Variants in TNIK observed in about 807,000 individuals in gnomAD.
TNIK encodes TRAF2 and NCK interacting kinase, also known as TRAF2 and NCK-interacting protein kinase.
Under a neutral mutation model 191.3 loss-of-function variants are expected in TNIK, and 49 were observed. The observed-to-expected ratio is 0.26, with a 90% CI of 0.20 to 0.32. The LOEUF is 0.32. TNIK is among the 10% of genes least tolerant of loss of function. The pLI is 1.00. For missense variants in TNIK, 1,155 were observed against 1,702.3 expected (o/e 0.68, Z 5.66); for synonymous variants, 594 against 600.9 (o/e 0.99, Z 0.17).
At chr3:171,103,314 AAGAAG>A (rs1340709350) in intron 21 of TNIK, among the ~76,000 whole-genome samples, 1 of 152,160 alleles carries the variant, frequency 6.6e-6, no homozygotes, top group Non-Finnish European at 1.5e-5. Context: ...ATATTATAAA[AAGAAG>A]AGGAAAACCA....
At chr3:171,139,276 C>A (rs1730441830) in intron 14 of TNIK, among the ~76,000 whole-genome samples, 194 bp downstream of exon 14, 1 of 152,016 alleles carries the variant, frequency 6.6e-6, no homozygotes. Flanking sequence ...TCAGCAAAAT[C>A]AATCAGAAAA....
intron 12 of TNIK, among the ~76,000 whole-genome samples, chr3:171,140,969 C>T (rs1274593327): frequency 6.6e-6 from 1 of 152,156 alleles, no homozygotes; most frequent in Non-Finnish European, 1.5e-5. Context: ...CAAAGCCATA[C>T]AGAATTGATG....
chr3:171,099,232 C>T (rs1723121158), intron 22 of TNIK, among the ~76,000 whole-genome samples: 1 of 152,054 alleles, frequency 6.6e-6, no homozygotes, highest in Non-Finnish European at 1.5e-5. Flanking sequence ...CCAATGGCTA[C>T]ATATAAAGAG....
At chr3:171,447,524 C>T (rs990774372) in intron 1 of TNIK, among the ~76,000 whole-genome samples, 4 of 152,214 alleles carry the variant, frequency 2.6e-5, no homozygotes, top group Non-Finnish European at 5.9e-5. Flanking sequence ...CAAATGATGG[C>T]TATGTGAGTC....
chr3:171,333,899 AATC>A (rs1328521769), intron 2 of TNIK, among the ~76,000 whole-genome samples: 7 of 152,274 alleles, frequency 4.6e-5, no homozygotes, highest in South Asian at 2.1e-4. Context: ...TTTGTCTTTT[AATC>A]ATCATTTCCT....
chr3:171,168,330 CT>C (rs1285886041), intron 9 of TNIK, among the ~76,000 whole-genome samples: 1 of 152,206 alleles, frequency 6.6e-6, no homozygotes, highest in Admixed American at 6.5e-5. Flanking sequence ...GTTTTGTGCT[CT>C]CTGTTGCTCT....
At chr3:171,184,289 C>G in intron 7 of TNIK, among the ~76,000 whole-genome samples, 1 of 152,160 alleles carries the variant, frequency 6.6e-6, no homozygotes, top group Non-Finnish European at 1.5e-5. Context: ...GTTAGGGTCA[C>G]TGAAGTGGAG....
intron 1 of TNIK, among the ~76,000 whole-genome samples, chr3:171,443,091 G>A (rs1727033698): frequency 6.6e-6 from 1 of 152,144 alleles, no homozygotes; most frequent in African/African-American, 2.4e-5. Context: ...TGTTTGCATG[G>A]AAAGAAAACT....
At chr3:171,383,901 C>T (rs1718393063) in intron 1 of TNIK, among the ~76,000 whole-genome samples, 1 of 152,172 alleles carries the variant, frequency 6.6e-6, no homozygotes, top group Non-Finnish European at 1.5e-5. Context: ...ACACTGTCCT[C>T]CAAATCTCCC....
At chr3:171,209,951 GA>G (rs1391058577) in intron 4 of TNIK, among the ~76,000 whole-genome samples, 1 of 152,104 alleles carries the variant, frequency 6.6e-6, no homozygotes, top group African/African-American at 2.4e-5. Context: ...AGTACTTTGG[GA>G]ATTCTCCATG....
chr3:171,285,235 G>A (rs1018051005), intron 2 of TNIK, among the ~76,000 whole-genome samples: 2 of 152,134 alleles, frequency 1.3e-5, no homozygotes, highest in African/African-American at 2.4e-5. Context: ...TTTATAAATT[G>A]TTAATAAATA....
rs986611872 is a variant in TNIK, at chr3:171,375,755, T to C, written c.58-6070A>G. ...CTTAAGTCTGTAACTAGGATGACTA[T>C]TTCCTTCACATCATAAAAGATGATA... On this transcript the variant is annotated intron_variant, in intron 1 of 32. Coordinates refer to ENST00000436636, the MANE Select transcript of TNIK (RefSeq NM_015028.4). 2.6e-5 allele frequency among the ~76,000 whole-genome samples: 4 copies of C among 152,314 alleles called. No individual in the cohort carries two copies. The East Asian group carries it at 7.7e-4, about 29-fold the overall frequency.
intron 2 of TNIK, among the ~76,000 whole-genome samples, chr3:171,319,036 T>C (rs1754924632): frequency 6.6e-6 from 1 of 151,932 alleles, no homozygotes; most frequent in Non-Finnish European, 1.5e-5. Context: ...AAAATGTAGC[T>C]GGGAAAGATG....
intron 2 of TNIK, among the ~76,000 whole-genome samples, chr3:171,296,965 A>G (rs1560390478): frequency 6.6e-6 from 1 of 152,192 alleles, no homozygotes. Flanking sequence ...AACAGGAAGA[A>G]CTTAATTTTT....
chr3:171,222,568 G>T (rs1175364866), intron 3 of TNIK, among the ~76,000 whole-genome samples: 1 of 152,044 alleles, frequency 6.6e-6, no homozygotes, highest in Non-Finnish European at 1.5e-5. Context: ...AAATGTACTT[G>T]GAACAATGTG....
intron 1 of TNIK, among the ~76,000 whole-genome samples, chr3:171,385,773 T>C (rs1332828783): frequency 6.6e-6 from 1 of 152,244 alleles, no homozygotes; most frequent in Non-Finnish European, 1.5e-5. Flanking sequence ...CTATCACTTA[T>C]AGGACAGCAT....
At chr3:171,064,458 G>GT (rs1718170401) in intron 32 of TNIK, among the ~76,000 whole-genome samples, 1 of 152,192 alleles carries the variant, frequency 6.6e-6, no homozygotes, top group Non-Finnish European at 1.5e-5. Context: ...TCAGATTTCA[G>GT]TTTTTTAAAT....
At chr3:171,091,644 G>A (rs1429673849) in intron 23 of TNIK, among the ~76,000 whole-genome samples, 2 of 151,788 alleles carry the variant, frequency 1.3e-5, no homozygotes, top group African/African-American at 4.8e-5. Context: ...CTGAGGCAGG[G>A]GAATCGCCTG....
chr3:171,190,629 T>A, intron 6 of TNIK, 68 bp downstream of exon 6: 1 of 1,228,284 alleles, frequency 8.1e-7, no homozygotes, highest in Non-Finnish European at 1.1e-6. Flanking sequence ...AACATTAATT[T>A]TTTTAGAGCT....
Sources: allele counts gnomAD v4.1 joint callset (sites outside exome capture counted in the v4.1 genomes callset), GRCh38; gene constraint gnomAD v4.1.1; transcripts MANE v1.5; gene names NCBI Gene and HGNC (gene_info 2026-07-23, HGNC 2026-07-21).